The following TMPRSS11D variants were observed in gnomAD, a reference collection of about 807,000 sequenced individuals.
TMPRSS11D encodes the protein transmembrane serine protease 11D.
In TMPRSS11D, 32 loss-of-function variants were observed where a neutral mutation model predicts 44.4. The ratio of observed to expected loss-of-function variants is 0.72; its 90% CI spans 0.54 to 0.97. The LOEUF (loss-of-function observed/expected upper bound fraction) is 0.97. Among genes scored for constraint, TMPRSS11D ranks in the 50% least tolerant of loss-of-function variants. TMPRSS11D has a pLI of 0.00. For synonymous variants in TMPRSS11D, 179 were observed against 177.9 expected, an observed-to-expected ratio of 1.01 and a Z score of -0.05; for missense variants, 446 against 502.6, an observed-to-expected ratio of 0.89 and a Z score of 1.08.
intron 1 of TMPRSS11D, among the ~76,000 whole-genome samples, chr4:67,862,876 G>A (rs1220376091): frequency 6.6e-6 from 1 of 151,846 alleles, no homozygotes; most frequent in Non-Finnish European, 1.5e-5. Context: ...TTGGACACAG[G>A]GAGGGGAACA....
chr4:67,832,563 AT>A (rs1717972794), intron 7 of TMPRSS11D, among the ~76,000 whole-genome samples: 1 of 151,742 alleles, frequency 6.6e-6, no homozygotes, highest in Non-Finnish European at 1.5e-5. Flanking sequence ...AATTTTATTT[AT>A]GCTACTCATT....
intron 1 of TMPRSS11D, among the ~76,000 whole-genome samples, chr4:67,861,024 A>G (rs776857940): frequency 6.6e-6 from 1 of 152,186 alleles, no homozygotes; most frequent in Admixed American, 6.6e-5. Flanking sequence ...ATTTTGTTGA[A>G]TAAACACAGG....
chr4:67,827,630 A>C lies in TMPRSS11D; in HGVS notation c.693-110T>G, dbSNP rs1442645811. On this transcript the variant is annotated intron_variant, in intron 7 of 9. Transcript: ENST00000283916. ...ACTATCTAGAAACTATTGGATCCAC[A>C]TCTCTTTGCTATATTTTCCTGCATT... 6 of 1,188,858 alleles carry C rather than the reference A, an allele frequency of 5.0e-6. No individual in the cohort carries two copies. In the Admixed American group the frequency reaches 1.3e-4, roughly 26 times the overall value. The allele number at this position is 1,188,858 out of a possible 1,614,324, so 73.6% of individuals were successfully genotyped here.
chr4:67,855,546 T>C (rs535149898), intron 2 of TMPRSS11D, among the ~76,000 whole-genome samples: 171 of 152,150 alleles, frequency 1.1e-3, no homozygotes, highest in African/African-American at 3.9e-3. Context: ...AGAAGGGACA[T>C]ACCTCAACAA....
chr4:67,858,331 T>TA (rs1349722822), intron 2 of TMPRSS11D, among the ~76,000 whole-genome samples: 1 of 152,170 alleles, frequency 6.6e-6, no homozygotes, highest in East Asian at 1.9e-4. Context: ...AGGGGCCTAC[T>TA]CTTTAAGCAT....
intron 3 of TMPRSS11D, among the ~76,000 whole-genome samples, chr4:67,848,114 C>T (rs548156282): frequency 3.9e-5 from 6 of 152,256 alleles, no homozygotes; most frequent in South Asian, 4.1e-4. Flanking sequence ...TCTTTCTCCT[C>T]CCATGTTCTA....
intron 1 of TMPRSS11D, among the ~76,000 whole-genome samples, chr4:67,883,271 ATAAT>A (rs1320131154): frequency 6.6e-6 from 1 of 152,060 alleles, no homozygotes; most frequent in Non-Finnish European, 1.5e-5. Flanking sequence ...ACCAAGTTAC[ATAAT>A]TATTTCATTG....
In TMPRSS11D at chr4:67,859,671, G is replaced by C. The variant is rs756797467; in HGVS notation, c.16C>G (p.Arg6Gly). 1 of 1,612,562 alleles carries C rather than the reference G, an allele frequency of 6.2e-7. No homozygotes were observed. Among genetic ancestry groups the C allele is most frequent in the African/African-American group, 1.3e-5 (1 of 74,836 alleles). The change falls in exon 2 of 10, where the codon CGT becomes GGT. Residue 6 changes from arginine to glycine, a missense_variant. Arg to Gly is a moderately radical substitution (Grantham distance 125). Transcript: ENST00000283916. MYRPA[R>G]VTSTSRFLNP... ...AGAAATCTTGAAGTCGAAGTTACAC[G>C]TGCTGGCCTTACAAGAGAGAGAGAT... is the stretch of plus-strand genomic sequence containing the variant.
At chr4:67,834,634 G>T (rs914501499) in intron 6 of TMPRSS11D, among the ~76,000 whole-genome samples, 1 of 152,128 alleles carries the variant, frequency 6.6e-6, no homozygotes, top group African/African-American at 2.4e-5. Flanking sequence ...TAGACCCAAA[G>T]CTGGGAAGAC....
intron 3 of TMPRSS11D, among the ~76,000 whole-genome samples, chr4:67,847,246 T>TTG (rs2109677514): frequency 6.6e-6 from 1 of 152,156 alleles, no homozygotes; most frequent in East Asian, 1.9e-4. Context: ...AAGGAAAATG[T>TTG]TGTGTGTGTG....
At chr4:67,862,596 C>T (rs538638187) in intron 1 of TMPRSS11D, among the ~76,000 whole-genome samples, 1 of 152,186 alleles carries the variant, frequency 6.6e-6, no homozygotes, top group Non-Finnish European at 1.5e-5. Flanking sequence ...GTTATGGGTG[C>T]TTTACAACCA....
At chr4:67,867,675 A>G (rs553829909) in intron 1 of TMPRSS11D, among the ~76,000 whole-genome samples, 66 of 152,254 alleles carry the variant, frequency 4.3e-4, no homozygotes, top group Admixed American at 1.1e-3. Flanking sequence ...AAGGACATGA[A>G]TAGACATTTC....
intron 6 of TMPRSS11D, among the ~76,000 whole-genome samples, chr4:67,834,245 G>A (rs139219761): frequency 6.6e-6 from 1 of 150,666 alleles, no homozygotes; most frequent in East Asian, 1.9e-4. Context: ...TGGTTTAATA[G>A]CACAACCACC....
chr4:67,843,375 C>A (rs1718281032), intron 3 of TMPRSS11D, among the ~76,000 whole-genome samples: 1 of 151,770 alleles, frequency 6.6e-6, no homozygotes, highest in South Asian at 2.1e-4. Context: ...CAACAGGGTG[C>A]CTATTCCAAG....
intron 3 of TMPRSS11D, among the ~76,000 whole-genome samples, chr4:67,852,353 G>A (rs1718529822): frequency 6.6e-6 from 1 of 152,086 alleles, no homozygotes; most frequent in African/African-American, 2.4e-5. Context: ...AAGGGACCAG[G>A]CTGCACTGGC....
chr4:67,842,425 C>G, intron 4 of TMPRSS11D, 133 bp downstream of exon 4: 1 of 830,622 alleles, frequency 1.2e-6, no homozygotes, highest in South Asian at 1.7e-5. Flanking sequence ...GGTTTTTAAG[C>G]TGACTAAAAT....
At chr4:67,847,174 G>C (rs2109677456) in intron 3 of TMPRSS11D, among the ~76,000 whole-genome samples, 1 of 152,292 alleles carries the variant, frequency 6.6e-6, no homozygotes, top group African/African-American at 2.4e-5. Flanking sequence ...AAAGTGCTGG[G>C]ATTACAGGCC....
chr4:67,831,910 T>C lies in TMPRSS11D; in HGVS notation c.692+1294A>G, dbSNP rs1464193972. On this transcript the variant is annotated intron_variant, in intron 7 of 9. Transcript: ENST00000283916. ...TTTCCTAAAACTTTAGTTCAGTAAC[T>C]ACCCTAGTCTTTTAAATCTTTATTC... Among the ~76,000 whole-genome samples, 9 of 152,312 alleles carry C rather than the reference T, an allele frequency of 5.9e-5. No homozygotes were observed. In the East Asian group the frequency reaches 9.6e-4, roughly 16 times the overall value.
At chr4:67,835,312 A>T (rs1365201459) in intron 5 of TMPRSS11D, among the ~76,000 whole-genome samples, 191 bp from the exon 6 acceptor site, 4 of 152,088 alleles carry the variant, frequency 2.6e-5, no homozygotes, top group Admixed American at 6.6e-5. Context: ...CATGGGCCCT[A>T]CAAATCTCTT....
Sources: allele counts gnomAD v4.1 joint callset (sites outside exome capture counted in the v4.1 genomes callset), GRCh38; gene constraint gnomAD v4.1.1; transcripts MANE v1.5; gene names NCBI Gene and HGNC (gene_info 2026-07-23, HGNC 2026-07-21).